The following PPFIBP2 variants were observed in gnomAD, a reference collection of about 807,000 sequenced individuals.
PPFIBP2 encodes PPFIB scaffold protein 2.
A neutral mutation model predicts 118.3 loss-of-function variants in PPFIBP2; 118 were observed. That is an observed-to-expected ratio of 1.00 (90% CI 0.86 to 1.16). The LOEUF is 1.16. PPFIBP2 is among the 50% of genes most tolerant of loss of function. The pLI, the probability that PPFIBP2 is intolerant of heterozygous loss-of-function variation, is 0.00. For missense variants in PPFIBP2, 1,195 were observed against 1,073.1 expected, an observed-to-expected ratio of 1.11 and a Z score of -1.59; for synonymous variants, 414 against 397.4, an observed-to-expected ratio of 1.04 and a Z score of -0.50.
chr11:7,649,118 T>C (rs1237275182), intron 19 of PPFIBP2, 29 bp from the exon 20 acceptor site: 8 of 1,594,124 alleles, frequency 5.0e-6, no homozygotes, highest in Non-Finnish European at 6.9e-6. Flanking sequence ...TCATGAATCC[T>C]GACACATCTG....
chr11:7,579,428 T>C (rs1395897271), intron 3 of PPFIBP2, among the ~76,000 whole-genome samples: 1 of 152,128 alleles, frequency 6.6e-6, no homozygotes, highest in African/African-American at 2.4e-5. Context: ...GGCAAAGGTT[T>C]GCATCATCTT....
intron 4 of PPFIBP2, among the ~76,000 whole-genome samples, chr11:7,593,588 C>T (rs1859750510): frequency 6.6e-6 from 1 of 152,122 alleles, no homozygotes; most frequent in Admixed American, 6.5e-5. Flanking sequence ...TATCCTCATG[C>T]CACTAATAAA....
At chr11:7,569,827 G>C (rs555434464) in intron 3 of PPFIBP2, among the ~76,000 whole-genome samples, 1 of 152,314 alleles carries the variant, frequency 6.6e-6, no homozygotes, top group South Asian at 2.1e-4. Flanking sequence ...GAACAGAGCT[G>C]AGTTCTAGAA....
At chr11:7,622,593 A>G (rs1356842154) in intron 7 of PPFIBP2, among the ~76,000 whole-genome samples, 1 of 152,260 alleles carries the variant, frequency 6.6e-6, no homozygotes, top group African/African-American at 2.4e-5. Context: ...TCATTTGATT[A>G]ACCATTTTAC....
At chr11:7,566,424 A>G (rs1854992388) in intron 3 of PPFIBP2, among the ~76,000 whole-genome samples, 1 of 152,176 alleles carries the variant, frequency 6.6e-6, no homozygotes, top group African/African-American at 2.4e-5. Context: ...TGGCTTGATC[A>G]TGGCTCACTG....
At chr11:7,656,967 G>T (rs1854744067), downstream of PPFIBP2, 1 of 415,882 alleles carries the variant, frequency 2.4e-6, no homozygotes, top group African/African-American at 2.1e-5. Context: ...GGTGTCCAGG[G>T]GTGGCCCCAG....
At chr11:7,591,335 C>T (rs927298252) in intron 3 of PPFIBP2, among the ~76,000 whole-genome samples, 17 of 151,660 alleles carry the variant, frequency 1.1e-4, no homozygotes, top group African/African-American at 3.6e-4. Context: ...ATGTGGACTT[C>T]GGCACTGGGG....
chr11:7,565,492 C>G, intron 2 of PPFIBP2, 61 bp from the exon 3 acceptor site: 1 of 1,555,470 alleles, frequency 6.4e-7, no homozygotes. Context: ...TTGCTCTTTA[C>G]TAGTACCTTG....
chr11:7,655,991 T>C (rs1462122543), downstream of PPFIBP2, among the ~76,000 whole-genome samples: 4 of 152,026 alleles, frequency 2.6e-5, no homozygotes, highest in Non-Finnish European at 5.9e-5. Flanking sequence ...ACAAACCATA[T>C]CATGGGGAAG....
In PPFIBP2 at chr11:7,620,376, T is replaced by G. The variant is rs149456896; in HGVS notation, c.619-559T>G. Among the ~76,000 whole-genome samples the G allele has an allele frequency of 4.2e-3, 632 of 152,258 alleles. 3 individuals carry two copies. Among genetic ancestry groups the G allele is most frequent in the African/African-American group, 0.014 (591 of 41,540 alleles). On this transcript the variant is annotated intron_variant, in intron 6 of 23. Coordinates refer to ENST00000299492, the MANE Select transcript of PPFIBP2 (RefSeq NM_003621.5). Reference sequence around the variant, plus strand: ...CTCCCTGGATGCCTTCTCCCTCCCTTCTTTCTTCAAATCAATCTCTTCCTC... The same window carrying G: ...CTCCCTGGATGCCTTCTCCCTCCCTGCTTTCTTCAAATCAATCTCTTCCTC...
chr11:7,605,394 C>G (rs1847213960), intron 5 of PPFIBP2, among the ~76,000 whole-genome samples: 1 of 152,232 alleles, frequency 6.6e-6, no homozygotes, highest in African/African-American at 2.4e-5. Context: ...AGACTTGGAA[C>G]AGTTCCTGAA....
intron 8 of PPFIBP2, 78 bp from the exon 9 acceptor site, chr11:7,628,207 C>T (rs1288191500): frequency 1.6e-6 from 2 of 1,243,412 alleles, no homozygotes; most frequent in Middle Eastern, 2.1e-4. Flanking sequence ...TTCATTTGAA[C>T]TTGGGGGACA....
intron 3 of PPFIBP2, among the ~76,000 whole-genome samples, chr11:7,585,827 A>G (rs951284707): frequency 3.3e-5 from 5 of 152,234 alleles, no homozygotes; most frequent in Admixed American, 6.5e-5. Flanking sequence ...TGAAAAGTTC[A>G]TGTTTAACCC....
chr11:7,562,645 T>A (rs1031743895), intron 2 of PPFIBP2, among the ~76,000 whole-genome samples: 1 of 152,100 alleles, frequency 6.6e-6, no homozygotes, highest in African/African-American at 2.4e-5. Context: ...TCTCCCTTTG[T>A]ATAGATGTTT....
chr11:7,556,771 G>T (rs1338534543), intron 2 of PPFIBP2, among the ~76,000 whole-genome samples: 2 of 152,158 alleles, frequency 1.3e-5, no homozygotes, highest in Non-Finnish European at 2.9e-5. Context: ...CTTGTAGGTT[G>T]GTCACTATCC....
At position 7,616,902 on chromosome 11, in the gene PPFIBP2, A is replaced by G. The variant is rs1848718163; in HGVS notation, c.619-4033A>G. Reference sequence around the variant, plus strand: ...CTGTTGGGGATTTGTTCGAACTGCAAGACAGGCATCTGGATGGGGCAGGCC... The same window carrying G: ...CTGTTGGGGATTTGTTCGAACTGCAGGACAGGCATCTGGATGGGGCAGGCC... On this transcript the variant is annotated intron_variant, in intron 6 of 23. Coordinates refer to ENST00000299492, the MANE Select transcript of PPFIBP2 (RefSeq NM_003621.5). The surrounding 1 kb of genome is among the most constrained non-coding windows in gnomAD (Gnocchi z 5.2). Among the ~76,000 whole-genome samples the G allele has an allele frequency of 6.6e-6, 1 of 152,016 alleles. No homozygotes were observed. The highest frequency in any genetic ancestry group is 6.5e-5 in the Admixed American group (1 of 15,268).
At chr11:7,635,527 A>G in intron 13 of PPFIBP2, 25 bp from the exon 14 acceptor site, 1 of 1,598,824 alleles carries the variant, frequency 6.3e-7, no homozygotes, top group South Asian at 1.1e-5. Flanking sequence ...CTCCACATAA[A>G]CGAAATCCTC....
At chr11:7,664,540 G>GTCTT in the PPFIBP2 span, among the ~76,000 whole-genome samples, 2 of 152,196 alleles carry the variant, frequency 1.3e-5, no homozygotes, top group African/African-American at 4.8e-5. Flanking sequence ...CAACCAACAT[G>GTCTT]TCTTTGGACT....
rs780207447 is a variant in PPFIBP2, at chr11:7,653,235, C to T, written c.*17C>T. The T allele has an allele frequency of 3.1e-6, 5 of 1,613,606 alleles. No individual in the cohort carries two copies. The East Asian group carries it at 8.9e-5, about 29-fold the overall frequency. On this transcript the variant is annotated 3_prime_UTR_variant, in exon 24 of 24. Transcript: ENST00000299492. ...ATTAGCTGATGCCCTTGTCACCTGC[C>T]CTCTGTGCACCCTGAGAGCTCACAG...
Sources: allele counts gnomAD v4.1 joint callset (sites outside exome capture counted in the v4.1 genomes callset), GRCh38; gene constraint gnomAD v4.1.1; non-coding constraint Gnocchi (gnomAD v3.1); transcripts MANE v1.5; gene names NCBI Gene and HGNC (gene_info 2026-07-23, HGNC 2026-07-21).